ARHGEF9: variants seen among roughly 807,000 people sequenced by gnomAD.
The protein encoded by ARHGEF9 is Cdc42 guanine nucleotide exchange factor 9.
ARHGEF9 carries 2 observed loss-of-function variants against 41.3 expected under a neutral mutation model. The observed-to-expected ratio is 0.05, with a 90% CI of 0.02 to 0.15. The LOEUF is 0.15. Among genes scored for constraint, ARHGEF9 ranks in the 10% least tolerant of loss-of-function variants. The pLI, the probability that ARHGEF9 is intolerant of heterozygous loss-of-function variation, is 1.00. For missense variants in ARHGEF9, 225 were observed against 424.7 expected, an observed-to-expected ratio of 0.53 and a Z score of 4.13; for synonymous variants, 160 against 154.4, an observed-to-expected ratio of 1.04 and a Z score of -0.27.
chrX:63,734,365 G>A (rs1268530113), intron 1 of ARHGEF9, among the ~76,000 whole-genome samples: 1 of 112,010 alleles, frequency 8.9e-6, no homozygotes, highest in Non-Finnish European at 1.9e-5. Flanking sequence ...TTGGAAACAG[G>A]AGTAATTGTC....
At position 63,665,408 on chromosome X, in the gene ARHGEF9, A is replaced by G. The variant is rs782443830; in HGVS notation, c.1077+478T>C. Among the ~76,000 whole-genome samples the G allele has an allele frequency of 1.1e-4, 12 of 112,493 alleles. No homozygotes were observed. The South Asian group carries it at 3.7e-3, about 35-fold the overall frequency. On this transcript the variant is annotated intron_variant, in intron 7 of 9. Transcript: ENST00000671741. ...AGGTAGAGGCATGGAAAAAATTCCT[A>G]TATCACAAAGGTACCTACCTGTCAG...
At chrX:63,667,718 G>C (rs1163733844) in intron 6 of ARHGEF9, among the ~76,000 whole-genome samples, 1 of 110,225 alleles carries the variant, frequency 9.1e-6, no homozygotes, top group Non-Finnish European at 1.9e-5. Flanking sequence ...CCCCACTGCC[G>C]AAAAAAAGCT....
intron 1 of ARHGEF9, among the ~76,000 whole-genome samples, chrX:63,775,066 A>G (rs1161421041): frequency 8.9e-6 from 1 of 112,713 alleles, no homozygotes; most frequent in African/African-American, 3.2e-5. Flanking sequence ...CAAGAAGCAT[A>G]TGAAAAAATA....
intron 1 of ARHGEF9, among the ~76,000 whole-genome samples, chrX:63,733,684 T>A (rs782740523): frequency 1.8e-5 from 2 of 112,127 alleles, no homozygotes; most frequent in Non-Finnish European, 3.8e-5. Context: ...TCATTACACA[T>A]CAGTTTCCTT....
intron 6 of ARHGEF9, among the ~76,000 whole-genome samples, chrX:63,673,234 T>G (rs1556357651): frequency 9.0e-6 from 1 of 111,405 alleles, no homozygotes; most frequent in African/African-American, 3.3e-5. Context: ...AAAATGACAC[T>G]TGAGTTGAGG....
intron 8 of ARHGEF9, among the ~76,000 whole-genome samples, chrX:63,652,052 T>A (rs1556329638): frequency 8.9e-6 from 1 of 111,847 alleles, no homozygotes; most frequent in Non-Finnish European, 1.9e-5. Context: ...TACAAATCTT[T>A]CAGAATTTAA....
At chrX:63,658,615 C>T (rs2049019405) in intron 7 of ARHGEF9, among the ~76,000 whole-genome samples, 1 of 111,649 alleles carries the variant, frequency 9.0e-6, no homozygotes, top group Non-Finnish European at 1.9e-5. Flanking sequence ...CAGACTTGTC[C>T]ACCAAATACA....
intron 4 of ARHGEF9, among the ~76,000 whole-genome samples, chrX:63,696,275 T>A (rs2051742278): frequency 8.9e-6 from 1 of 111,912 alleles, no homozygotes; most frequent in Non-Finnish European, 1.9e-5. Context: ...GTGCACATAT[T>A]AAATCTTTAA....
At chrX:63,769,290 T>TAAAA (rs554674478) in intron 1 of ARHGEF9, among the ~76,000 whole-genome samples, 2 of 106,228 alleles carry the variant, frequency 1.9e-5, no homozygotes, top group East Asian at 5.8e-4. Flanking sequence ...AAACTAAACT[T>TAAAA]AAAAAAAAAA....
chrX:63,645,322 C>T (rs1455303215), intron 8 of ARHGEF9, among the ~76,000 whole-genome samples: 36 of 110,035 alleles, frequency 3.3e-4, no homozygotes, highest in African/African-American at 1.2e-3. Flanking sequence ...TGGTGTGCTG[C>T]ACCCATTAAC....
At chrX:63,775,221 G>A (rs1875601136) in intron 1 of ARHGEF9, among the ~76,000 whole-genome samples, 2 of 112,558 alleles carry the variant, frequency 1.8e-5, no homozygotes. Context: ...CTTATACACT[G>A]TTAGTGGGAA....
intron 1 of ARHGEF9, among the ~76,000 whole-genome samples, chrX:63,744,988 C>A (rs2147743088): frequency 9.0e-6 from 1 of 111,092 alleles, no homozygotes; most frequent in East Asian, 2.9e-4. Flanking sequence ...AATGCCAAGG[C>A]ACCTACTCCC....
At chrX:63,758,619 C>T (rs1255720510) in intron 1 of ARHGEF9, among the ~76,000 whole-genome samples, 1 of 111,700 alleles carries the variant, frequency 9.0e-6, no homozygotes, top group Non-Finnish European at 1.9e-5. Context: ...TCTCATAACT[C>T]ATGAGGTTCT....
intron 1 of ARHGEF9, among the ~76,000 whole-genome samples, chrX:63,763,430 TTCTC>T (rs782398472): frequency 8.4e-5 from 9 of 106,808 alleles, no homozygotes; most frequent in South Asian, 4.1e-4. Flanking sequence ...TCTTAATAAG[TTCTC>T]TCTCTCTCTC....
In ARHGEF9 at chrX:63,678,480, C is replaced by T. The variant is rs140777637; in HGVS notation, c.675G>A (p.Gln225=). The T allele has an allele frequency of 4.1e-4, 493 of 1,202,473 alleles. 1 individual carries two copies. The Middle Eastern group carries it at 6.0e-3, about 15-fold the overall frequency. ...LSKLMKDSRY[Q]HFFEACRLLQ... Reference sequence around the variant, plus strand: ...AGAGGCGACAGGCCTCAAAGAAGTGCTGGTAGCGGCTGTCCTTCATCAGTT... The same window carrying T: ...AGAGGCGACAGGCCTCAAAGAAGTGTTGGTAGCGGCTGTCCTTCATCAGTT... Residue 225 remains glutamine (Q), a synonymous_variant, in exon 5 of 10, where the codon CAG becomes CAA. Coordinates refer to ENST00000671741, the MANE Select transcript of ARHGEF9 (RefSeq NM_001353921.2).
chrX:63,667,737 C>T (rs1195923557), intron 6 of ARHGEF9, among the ~76,000 whole-genome samples: 5 of 110,897 alleles, frequency 4.5e-5, no homozygotes, highest in African/African-American at 1.6e-4. Flanking sequence ...CTTAGAAATA[C>T]TGCTTCAACT....
Position 63,678,295 on chromosome X carries a change from T to C in ARHGEF9, c.815+45A>G, listed in dbSNP as rs1556364948. On this transcript the variant is annotated intron_variant, in intron 5 of 9. Transcript: ENST00000671741. ...TGTATTCTCAATGAGAACCAACAGA[T>C]AGAGGAAGTTCCCTCATTCACTCCT... is the stretch of plus-strand genomic sequence containing the variant. The C allele has an allele frequency of 3.8e-6, 4 of 1,061,343 alleles. No individual in the cohort carries two copies. The Admixed American group carries it at 1.0e-4, about 27-fold the overall frequency. The allele number at this position is 1,061,343 out of a possible 1,213,427, so 87.5% of individuals were successfully genotyped here.
intron 3 of ARHGEF9, among the ~76,000 whole-genome samples, chrX:63,704,013 G>A (rs1556398712): frequency 3.6e-5 from 4 of 111,534 alleles, no homozygotes; most frequent in Non-Finnish European, 5.6e-5. Context: ...ATAGCAGAAA[G>A]GAGCAGGAGG....
chrX:63,754,862 C>G, intron 1 of ARHGEF9: 3 of 938,988 alleles, frequency 3.2e-6, no homozygotes, highest in Non-Finnish European at 4.0e-6. Flanking sequence ...CCAGCATTCT[C>G]TCTCGGGCGC....
Sources: allele counts gnomAD v4.1 joint callset (sites outside exome capture counted in the v4.1 genomes callset), GRCh38; gene constraint gnomAD v4.1.1; transcripts MANE v1.5; gene names NCBI Gene and HGNC (gene_info 2026-07-23, HGNC 2026-07-21).